Variants in GPC6 observed in about 807,000 individuals in gnomAD.
The protein encoded by GPC6 is glypican-6.
GPC6 carries 14 observed loss-of-function variants against 55.2 expected under a neutral mutation model. That is an observed-to-expected ratio of 0.25 (90% confidence interval 0.17 to 0.40). GPC6 has a LOEUF of 0.40. Among genes scored for constraint, GPC6 ranks in the 10% least tolerant of loss-of-function variants. The pLI is 1.00. For missense variants in GPC6, 641 were observed against 708.5 expected (o/e 0.90, Z 1.08); for synonymous variants, 278 against 259.6 (o/e 1.07, Z -0.68).
At chr13:93,574,987 G>A (rs1876588749) in intron 2 of GPC6, among the ~76,000 whole-genome samples, 1 of 152,138 alleles carries the variant, frequency 6.6e-6, no homozygotes, top group Non-Finnish European at 1.5e-5. Context: ...CAAAAAGAAA[G>A]TGTTCAATGA....
In GPC6 at chr13:94,264,942, G is replaced by A. The variant is rs370308554; in HGVS notation, c.878-21407G>A. On this transcript the variant is annotated intron_variant, in intron 4 of 8. Transcript: ENST00000377047. ...ATCCTATATAAAGCCATCAGATCTCGTGAGACTTATTCACTATCACAAGAA... is the reference window on the plus strand; with the variant it reads ...ATCCTATATAAAGCCATCAGATCTCATGAGACTTATTCACTATCACAAGAA... 1.6e-3 allele frequency among the ~76,000 whole-genome samples: 244 copies of A among 152,260 alleles called. 2 individuals carry two copies. The highest frequency in any genetic ancestry group is 5.7e-3 in the African/African-American group (238 of 41,530).
At chr13:94,126,216 CA>C (rs940827663) in intron 4 of GPC6, among the ~76,000 whole-genome samples, 23 of 146,218 alleles carry the variant, frequency 1.6e-4, no homozygotes, top group African/African-American at 4.5e-4. Flanking sequence ...CCCATCTCTA[CA>C]AAAAAAAAAT....
intron 1 of GPC6, among the ~76,000 whole-genome samples, chr13:93,240,814 T>C (rs1876401903): frequency 6.6e-6 from 1 of 152,182 alleles, no homozygotes; most frequent in Admixed American, 6.5e-5. Context: ...CCTTTGAGCA[T>C]TTCTTATAGG....
intron 4 of GPC6, among the ~76,000 whole-genome samples, chr13:94,117,668 AAAGT>A (rs767366989): frequency 1.3e-5 from 2 of 152,116 alleles, no homozygotes; most frequent in Non-Finnish European, 2.9e-5. Context: ...AGAAGAGAAC[AAAGT>A]AAGTGGTAGA....
intron 1 of GPC6, among the ~76,000 whole-genome samples, chr13:93,490,486 G>A (rs1208737441): frequency 4.6e-5 from 2 of 43,792 alleles, no homozygotes; most frequent in African/African-American, 8.3e-5. Context: ...TTCAACTTGA[G>A]TGATTTTTTT....
intron 1 of GPC6, among the ~76,000 whole-genome samples, chr13:93,502,283 T>G (rs1345149565): frequency 6.6e-6 from 1 of 151,158 alleles, no homozygotes; most frequent in Non-Finnish European, 1.5e-5. Flanking sequence ...AGAAAGAGAG[T>G]GAGAGCGAGA....
chr13:93,438,498 C>T lies in GPC6; in HGVS notation c.161-106765C>T, dbSNP rs193282163. ...TTCCAACCCTCATGGATGACTTAGG[C>T]GTTCAAGGCTTCAGTGGAGCAAGTT... On this transcript the variant is annotated intron_variant, in intron 1 of 8. Transcript: ENST00000377047. Among the ~76,000 whole-genome samples the T allele has an allele frequency of 5.3e-5, 8 of 152,116 alleles. No homozygotes were observed. The East Asian group carries it at 9.7e-4, about 18-fold the overall frequency.
the GPC6 span, among the ~76,000 whole-genome samples, chr13:93,219,716 C>T: frequency 1.3e-5 from 2 of 152,048 alleles, no homozygotes; most frequent in African/African-American, 4.8e-5. Context: ...TTAGAATATT[C>T]AGATTGGTTT....
chr13:94,345,295 T>C (rs958083528), intron 6 of GPC6, among the ~76,000 whole-genome samples: 1 of 152,154 alleles, frequency 6.6e-6, no homozygotes, highest in African/African-American at 2.4e-5. Context: ...CCTGTAATAG[T>C]ATCTAATACA....
intron 2 of GPC6, among the ~76,000 whole-genome samples, chr13:93,797,727 T>C: frequency 6.6e-6 from 1 of 152,116 alleles, no homozygotes; most frequent in East Asian, 1.9e-4. Context: ...AGAAATATAA[T>C]AGGCCAGACA....
At chr13:94,189,634 C>G (rs1359587036) in intron 4 of GPC6, among the ~76,000 whole-genome samples, 1 of 152,134 alleles carries the variant, frequency 6.6e-6, no homozygotes, top group Non-Finnish European at 1.5e-5. Context: ...AGTAAATTTT[C>G]CAGATAAATT....
intron 4 of GPC6, among the ~76,000 whole-genome samples, chr13:94,237,286 T>G (rs1232356774): frequency 6.7e-5 from 10 of 149,762 alleles, no homozygotes; most frequent in Admixed American, 6.6e-4. Context: ...CTTTCCCCCT[T>G]TCTTCCTCCC....
intron 2 of GPC6, among the ~76,000 whole-genome samples, chr13:93,828,873 G>A (rs1019431077): frequency 1.3e-5 from 2 of 152,150 alleles, no homozygotes; most frequent in African/African-American, 4.8e-5. Context: ...CAGAACTGAA[G>A]TGGCTAAACC....
chr13:94,136,014 C>T (rs1566450563), intron 4 of GPC6, among the ~76,000 whole-genome samples: 3 of 152,036 alleles, frequency 2.0e-5, no homozygotes, highest in Non-Finnish European at 4.4e-5. Context: ...ATTGAGAAAT[C>T]AAATTTCAAA....
At chr13:93,826,049 G>A (rs1390960470) in intron 2 of GPC6, among the ~76,000 whole-genome samples, 8 of 151,490 alleles carry the variant, frequency 5.3e-5, no homozygotes, top group African/African-American at 1.5e-4. Flanking sequence ...TAGTAGAGAC[G>A]GGGTTTCACC....
chr13:93,384,469 G>A (rs1404412187), intron 1 of GPC6, among the ~76,000 whole-genome samples: 1 of 151,738 alleles, frequency 6.6e-6, no homozygotes, highest in Admixed American at 6.6e-5. Context: ...TGAATATGAT[G>A]ATAATTATAA....
At chr13:93,600,296 G>A (rs1877952981) in intron 2 of GPC6, among the ~76,000 whole-genome samples, 1 of 152,186 alleles carries the variant, frequency 6.6e-6, no homozygotes, top group South Asian at 2.1e-4. Flanking sequence ...AGTAATTAAT[G>A]CTAAGTGGCA....
chr13:93,225,394 A>G (rs1875736232), upstream of GPC6, among the ~76,000 whole-genome samples: 1 of 152,252 alleles, frequency 6.6e-6, no homozygotes, highest in Admixed American at 6.5e-5. Flanking sequence ...TCTGCCAGTT[A>G]GCATAAATAT....
At chr13:93,293,458 G>A (rs1396239427) in intron 1 of GPC6, among the ~76,000 whole-genome samples, 1 of 152,080 alleles carries the variant, frequency 6.6e-6, no homozygotes, top group African/African-American at 2.4e-5. Flanking sequence ...AGATTGTTTA[G>A]TACTTAGGGT....
Sources: gnomAD v4.1 joint callset for allele counts (sites outside exome capture counted in the v4.1 genomes callset) on GRCh38, gnomAD v4.1.1 for gene constraint, MANE v1.5 for transcripts, NCBI Gene and HGNC (gene_info 2026-07-23, HGNC 2026-07-21) for gene names.